Variants in ELMO1 observed in about 807,000 individuals in gnomAD.
ELMO1 encodes engulfment and cell motility 1, also known as engulfment and cell motility protein 1.
A neutral mutation model predicts 98.9 loss-of-function variants in ELMO1; 26 were observed. The observed-to-expected ratio is 0.26, with a 90% CI of 0.19 to 0.36. The LOEUF (loss-of-function observed/expected upper bound fraction) is 0.36, where lower values mean the gene tolerates loss of function less well. Ranked by LOEUF, ELMO1 falls within the 10% of genes least tolerant of loss-of-function variation. The pLI is 1.00. For missense variants in ELMO1, 627 were observed against 935.2 expected (o/e 0.67, Z 4.30); for synonymous variants, 346 against 346.0 (o/e 1.00, Z 0.00).
chr7:37,359,912 A>G (rs946462315), intron 1 of ELMO1, among the ~76,000 whole-genome samples: 1 of 152,222 alleles, frequency 6.6e-6, no homozygotes, highest in Non-Finnish European at 1.5e-5. Context: ...GTCTGTGGAC[A>G]GGAATCAGTT....
chr7:37,134,292 GC>G (rs1185344941), intron 13 of ELMO1, among the ~76,000 whole-genome samples: 6 of 152,078 alleles, frequency 3.9e-5, no homozygotes, highest in Admixed American at 3.9e-4. Flanking sequence ...GAAATAATTG[GC>G]TGGGCATGGT....
chr7:37,091,877 C>A (rs1236025272), intron 15 of ELMO1, among the ~76,000 whole-genome samples: 1 of 152,056 alleles, frequency 6.6e-6, no homozygotes, highest in Admixed American at 6.5e-5. Flanking sequence ...CATCAGATCT[C>A]GTGAGACTTT....
At chr7:37,082,012 A>G (rs1797889477) in intron 15 of ELMO1, among the ~76,000 whole-genome samples, 1 of 152,232 alleles carries the variant, frequency 6.6e-6, no homozygotes, top group African/African-American at 2.4e-5. Flanking sequence ...AAACAATTAA[A>G]TTGCCAATAA....
At chr7:37,055,815 C>T (rs1052963455) in intron 15 of ELMO1, among the ~76,000 whole-genome samples, 4 of 152,186 alleles carry the variant, frequency 2.6e-5, no homozygotes, top group Non-Finnish European at 4.4e-5. Context: ...GTCAGCCACG[C>T]ACCCTGGAGT....
intron 13 of ELMO1, among the ~76,000 whole-genome samples, chr7:37,191,111 CTCGGGAGG>C (rs1401254092): frequency 6.7e-6 from 1 of 148,546 alleles, no homozygotes. Context: ...ATGGCATGAA[CTCGGGAGG>C]TGGAGCTTGC....
intron 4 of ELMO1, among the ~76,000 whole-genome samples, chr7:37,275,922 A>G (rs1796805675): frequency 6.6e-6 from 1 of 152,210 alleles, no homozygotes; most frequent in East Asian, 1.9e-4. Context: ...TGCTGATGAC[A>G]CCTTTGGCTC....
At chr7:37,258,336 G>A (rs1165945854) in intron 6 of ELMO1, among the ~76,000 whole-genome samples, 1 of 152,122 alleles carries the variant, frequency 6.6e-6, no homozygotes, top group Non-Finnish European at 1.5e-5. Flanking sequence ...AGCTACTCAG[G>A]AGGCTGAGGT....
chr7:36,956,538 C>A (rs180771003), intron 16 of ELMO1, among the ~76,000 whole-genome samples: 66 of 152,206 alleles, frequency 4.3e-4, no homozygotes, highest in Middle Eastern at 3.4e-3. Flanking sequence ...ATAGGCTAGA[C>A]TGCATATAAA....
intron 16 of ELMO1, among the ~76,000 whole-genome samples, chr7:36,948,997 A>G (rs1451566778): frequency 2.0e-5 from 3 of 152,174 alleles, no homozygotes; most frequent in Non-Finnish European, 4.4e-5. Flanking sequence ...CTGGGATTAT[A>G]GGTGCCTGCC....
intron 1 of ELMO1, among the ~76,000 whole-genome samples, chr7:37,343,487 CTTTTTTTTTTTTTTT>C (rs10571805): frequency 1.1e-5 from 1 of 92,822 alleles, no homozygotes; most frequent in Non-Finnish European, 2.0e-5. Flanking sequence ...TAGCCCATTT[CTTTTTTTTTTTTTTT>C]TTTTTTTTTG....
At chr7:37,217,975 C>A (rs6462745) in intron 10 of ELMO1, among the ~76,000 whole-genome samples, 42,493 of 152,032 alleles carry the variant, frequency 0.28, 6,580 homozygotes, top group African/African-American at 0.41. Context: ...AACAAGAAAG[C>A]AGGAGCAATG....
chr7:37,051,778 GT>G (rs890168325), intron 15 of ELMO1, among the ~76,000 whole-genome samples: 5 of 152,134 alleles, frequency 3.3e-5, no homozygotes, highest in African/African-American at 1.2e-4. Flanking sequence ...TTCTGTGCAG[GT>G]TTTTATAAAA....
At chr7:36,914,570 G>A (rs768769468) in intron 16 of ELMO1, among the ~76,000 whole-genome samples, 1 of 150,048 alleles carries the variant, frequency 6.7e-6, no homozygotes, top group Non-Finnish European at 1.5e-5. Flanking sequence ...CTGGACTGCA[G>A]TGGCCTGATC....
intron 9 of ELMO1, 45 bp downstream of exon 9, chr7:37,224,834 C>G (rs1309895122): frequency 6.2e-7 from 1 of 1,601,730 alleles, no homozygotes; most frequent in Non-Finnish European, 8.5e-7. Flanking sequence ...CCGTGGCCAT[C>G]TTCCTGAAGC....
chr7:37,207,800 G>C (rs1202728869), intron 13 of ELMO1, among the ~76,000 whole-genome samples: 1 of 152,100 alleles, frequency 6.6e-6, no homozygotes, highest in Non-Finnish European at 1.5e-5. Context: ...ACATTAGCTG[G>C]GTGTGGTGGT....
intron 13 of ELMO1, among the ~76,000 whole-genome samples, chr7:37,175,286 C>T (rs761935712): frequency 4.6e-5 from 7 of 152,312 alleles, no homozygotes; most frequent in Admixed American, 2.0e-4. Flanking sequence ...TCACTACTAC[C>T]AACACCTTGT....
intron 16 of ELMO1, among the ~76,000 whole-genome samples, chr7:36,939,018 A>C (rs1786786761): frequency 6.6e-6 from 1 of 152,084 alleles, no homozygotes; most frequent in Non-Finnish European, 1.5e-5. Context: ...ACAGAGCAAG[A>C]CCTTGTCTCT....
Position 37,225,068 on chromosome 7 carries a change from T to C in ELMO1, c.550-38A>G, listed in dbSNP as rs561027970. 1.2e-5 allele frequency: 20 copies of C among 1,613,084 alleles called. No homozygotes were observed. The African/African-American group carries it at 1.6e-4, about 13-fold the overall frequency. ...GTGGGACACAATTGACTGCTCGTGG[T>C]AAGTAGAGCAGAGACGTGGAGAAGG... is the stretch of plus-strand genomic sequence containing the variant. On this transcript the variant is annotated intron_variant, in intron 8 of 21. Transcript: ENST00000310758.
intron 4 of ELMO1, among the ~76,000 whole-genome samples, chr7:37,302,383 G>C (rs1562596180): frequency 6.6e-6 from 1 of 152,074 alleles, no homozygotes; most frequent in African/African-American, 2.4e-5. Flanking sequence ...TCTAAGGCTA[G>C]GTCATAACGA....
Sources: allele counts gnomAD v4.1 joint callset (sites outside exome capture counted in the v4.1 genomes callset), GRCh38; gene constraint gnomAD v4.1.1; transcripts MANE v1.5; gene names NCBI Gene and HGNC (gene_info 2026-07-23, HGNC 2026-07-21).